DHCR24: variants seen among roughly 807,000 people sequenced by gnomAD.
DHCR24 encodes the protein 24-dehydrocholesterol reductase.
DHCR24 carries 28 observed loss-of-function variants against 61.2 expected under a neutral mutation model. The ratio of observed to expected loss-of-function variants is 0.46; its 90% CI spans 0.34 to 0.63. The LOEUF is 0.63. Ranked by LOEUF, DHCR24 falls within the 20% of genes least tolerant of loss-of-function variation. The probability of loss-of-function intolerance (pLI) is 0.01; values close to 1 mark genes in which losing one functional copy is unlikely to be tolerated. For synonymous variants in DHCR24, 261 were observed against 275.9 expected (o/e 0.95, Z 0.54); for missense variants, 538 against 679.1 (o/e 0.79, Z 2.31).
intron 5 of DHCR24, among the ~76,000 whole-genome samples, chr1:54,869,900 C>T (rs2101568887): frequency 6.6e-6 from 1 of 152,010 alleles, no homozygotes; most frequent in East Asian, 1.9e-4. Flanking sequence ...ACTAAAAATA[C>T]AAAAATTAGG....
chr1:54,865,343 T>C lies in DHCR24; in HGVS notation c.980A>G (p.Tyr327Cys), dbSNP rs751159586. ...EGLEYIPLRHYYHRHTRSIFW... is the reference protein window; with the variant it reads ...EGLEYIPLRHCYHRHTRSIFW... ...GATGCTGCGCGTGTGGCGGTGGTAG[T>C]AGTGTCTCAAGGGAATGTACTCCAG... The change falls in exon 6 of 9, where the codon TAC becomes TGC. Residue 327 changes from tyrosine to cysteine, a missense_variant. Physicochemically the swap from Tyr to Cys is radical, Grantham distance 194. Transcript: ENST00000371269. 2 of 1,613,860 alleles carry C rather than the reference T, an allele frequency of 1.2e-6. No individual in the cohort carries two copies. Among genetic ancestry groups the C allele is most frequent in the South Asian group, 1.1e-5 (1 of 91,070 alleles).
chr1:54,881,397 C>T (rs962866608), intron 2 of DHCR24, among the ~76,000 whole-genome samples: 2 of 152,112 alleles, frequency 1.3e-5, no homozygotes, highest in African/African-American at 2.4e-5. Context: ...AAAAGCTCAA[C>T]ATTACTGATA....
Position 54,850,625 on chromosome 1 carries a change from T to C in DHCR24, c.*1608A>G, listed in dbSNP as rs1570176419. On this transcript the variant is annotated 3_prime_UTR_variant, in exon 9 of 9. Transcript: ENST00000371269. ...CTTCCCTGCAAGCCAGGTATGAGCC[T>C]TTCTGGAAATGAGATGGGAGCTGAC... 6.6e-6 allele frequency: 1 copy of C among 152,206 alleles called. No homozygotes were observed. Among genetic ancestry groups the C allele is most frequent in the Non-Finnish European group, 1.5e-5 (1 of 68,034 alleles). The allele number at this position is 152,206 out of a possible 1,614,324, so 9.4% of individuals were successfully genotyped here.
rs1031677062 is a variant in DHCR24, at chr1:54,858,545, G to A, written c.1021-4311C>T. Among the ~76,000 whole-genome samples, 11 of 152,228 alleles carry A rather than the reference G, an allele frequency of 7.2e-5. No individual in the cohort carries two copies. In the East Asian group the frequency reaches 1.9e-3, roughly 27 times the overall value. ...TTCCAGATTCTTCTTTTACCTGAAGGCAGTGTGGGCCAGTGTTTACTTAAC... is the reference window on the plus strand; with the variant it reads ...TTCCAGATTCTTCTTTTACCTGAAGACAGTGTGGGCCAGTGTTTACTTAAC... On this transcript the variant is annotated intron_variant, in intron 6 of 8. Transcript: ENST00000371269.
chr1:54,885,425 C>T (rs1487952787), intron 1 of DHCR24, among the ~76,000 whole-genome samples: 2 of 152,116 alleles, frequency 1.3e-5, no homozygotes, highest in Non-Finnish European at 2.9e-5. Flanking sequence ...TGAACCAGAC[C>T]TATAGGGGGG....
chr1:54,868,751 CAG>C (rs1646981310), intron 5 of DHCR24, among the ~76,000 whole-genome samples: 1 of 151,562 alleles, frequency 6.6e-6, no homozygotes, highest in South Asian at 2.1e-4. Context: ...AATGTAACAA[CAG>C]GGGGAAATGC....
rs147602411 is a variant in DHCR24, at chr1:54,863,794, T to C, written c.1020+1509A>G. ...CAGAATTGGAGAAAATGTTTGCAGATCATATATCTGATGAGGGTCTAGTAT... is the reference window on the plus strand; with the variant it reads ...CAGAATTGGAGAAAATGTTTGCAGACCATATATCTGATGAGGGTCTAGTAT... On this transcript the variant is annotated intron_variant, in intron 6 of 8. Transcript: ENST00000371269. 2.0e-5 allele frequency among the ~76,000 whole-genome samples: 3 copies of C among 152,300 alleles called. No individual in the cohort carries two copies. In the East Asian group the frequency reaches 5.8e-4, roughly 29 times the overall value.
At chr1:54,861,726 C>T (rs1646939444) in intron 6 of DHCR24, among the ~76,000 whole-genome samples, 1 of 152,194 alleles carries the variant, frequency 6.6e-6, no homozygotes, top group East Asian at 1.9e-4. Context: ...TGAAAACCCA[C>T]AAACACAGGG....
chr1:54,851,696 CCTT>C lies in DHCR24; in HGVS notation c.*534_*536del, dbSNP rs761848598. On this transcript the variant is annotated 3_prime_UTR_variant, in exon 9 of 9. Transcript: ENST00000371269. ...AGATCCCAGGGTGGGGAAGAGCTGTCCTTCTCCTGTGAGGACCTCGTCTGGCTG... is the reference window on the plus strand; with the variant it reads ...AGATCCCAGGGTGGGGAAGAGCTGTCCTCCTGTGAGGACCTCGTCTGGCTG... The C allele has an allele frequency of 1.5e-4, 24 of 159,144 alleles. No individual in the cohort carries two copies. The East Asian group carries it at 4.1e-3, about 27-fold the overall frequency. 9.9% of individuals were successfully genotyped at this position (159,144 alleles called of 1,614,324 possible). A position where few individuals can be genotyped will look rare whatever the true frequency, so the allele number is the denominator to read the frequency against.
chr1:54,855,394 C>CAAA (rs34849017), intron 6 of DHCR24, among the ~76,000 whole-genome samples: 1 of 117,700 alleles, frequency 8.5e-6, no homozygotes. Context: ...ACTCCGTCTC[C>CAAA]AAAAAAAAAA....
At chr1:54,881,670 A>G (rs1322809975) in intron 2 of DHCR24, among the ~76,000 whole-genome samples, 1 of 152,208 alleles carries the variant, frequency 6.6e-6, no homozygotes. Context: ...AAACCATTGT[A>G]TCATAAAGAC....
chr1:54,869,719 T>C (rs912583007), intron 5 of DHCR24, among the ~76,000 whole-genome samples: 9 of 151,732 alleles, frequency 5.9e-5, no homozygotes, highest in Admixed American at 3.3e-4. Context: ...CTTGGCAACA[T>C]AGCAAGACCC....
At position 54,883,868 on chromosome 1, in the gene DHCR24, C is replaced by G; in HGVS notation, c.232-95G>C. ...CTTCAAGGGCGAGCTGGGAATGATGCCTCCATCAGGCACTGGAGAAACAGA... is the reference window on the plus strand; with the variant it reads ...CTTCAAGGGCGAGCTGGGAATGATGGCTCCATCAGGCACTGGAGAAACAGA... On this transcript the variant is annotated intron_variant, in intron 1 of 8. Transcript: ENST00000371269. The surrounding 1 kb of genome is among the most constrained non-coding windows in gnomAD (Gnocchi z 4.3). 6.5e-7 allele frequency: 1 copy of G among 1,531,122 alleles called. No homozygotes were observed. Among genetic ancestry groups the G allele is most frequent in the Non-Finnish European group, 9.0e-7 (1 of 1,114,274 alleles). 94.8% of individuals were successfully genotyped at this position (1,531,122 alleles called of 1,614,324 possible).
rs1266795440 is a variant in DHCR24, at chr1:54,887,133, G to A, written c.-14C>T. 6.4e-6 allele frequency: 10 copies of A among 1,554,862 alleles called. No homozygotes were observed. The highest frequency in any genetic ancestry group is 3.5e-5 in the South Asian group (3 of 85,100). ...GGCGGGCTCCATGGTGCGGCGCCGC[G>A]CGGTAAGCGCTGCGGGTTCGCGCCT... On this transcript the variant is annotated 5_prime_UTR_variant, in exon 1 of 9. Transcript: ENST00000371269.
intron 1 of DHCR24, among the ~76,000 whole-genome samples, chr1:54,885,607 A>G (rs1378863939): frequency 6.6e-6 from 1 of 152,178 alleles, no homozygotes; most frequent in South Asian, 2.1e-4. Context: ...TGCTGTGAGG[A>G]TGGCAATGGC....
Position 54,865,443 on chromosome 1 carries a change from T to C in DHCR24, c.880A>G (p.Asn294Asp). 6.2e-7 allele frequency: 1 copy of C among 1,614,164 alleles called. No individual in the cohort carries two copies. Among genetic ancestry groups the C allele is most frequent in the Non-Finnish European group, 8.5e-7 (1 of 1,180,042 alleles). The change falls in exon 6 of 9, where the codon AAT (asparagine) becomes GAT (aspartate). Residue 294 changes from asparagine (N) to aspartate (D), a missense_variant. Asn to Asp is a conservative substitution (Grantham distance 23). Transcript: ENST00000371269. ...MTDEAEPSKL[N>D]SIGNYYKPWF... ...GGCTTGTAGTAATTGCCAATGCTAT[T>C]CAGCTGAAATGACAGAGGGCATTGT...
intron 1 of DHCR24, among the ~76,000 whole-genome samples, chr1:54,884,707 G>T (rs1207706167): frequency 1.3e-5 from 2 of 152,166 alleles, no homozygotes; most frequent in African/African-American, 4.8e-5. Context: ...TACCCCAGGA[G>T]GTGGGTACAT....
At chr1:54,871,278 G>A (rs1235349421) in intron 5 of DHCR24, 72 bp downstream of exon 5, 3 of 1,595,404 alleles carry the variant, frequency 1.9e-6, no homozygotes, top group East Asian at 2.2e-5. Flanking sequence ...GTCAGGATAC[G>A]GGAACCGGCT....
chr1:54,865,807 C>T (rs143941772), intron 5 of DHCR24, among the ~76,000 whole-genome samples: 1 of 152,196 alleles, frequency 6.6e-6, no homozygotes, highest in East Asian at 1.9e-4. Context: ...CCCTCCCTTC[C>T]CACCTTCCCC....
Sources: gnomAD v4.1 joint callset for allele counts (sites outside exome capture counted in the v4.1 genomes callset) on GRCh38, gnomAD v4.1.1 for gene constraint, Gnocchi (gnomAD v3.1) non-coding constraint, MANE v1.5 for transcripts, NCBI Gene and HGNC (gene_info 2026-07-23, HGNC 2026-07-21) for gene names.